SRPK2: variants seen among roughly 807,000 people sequenced by gnomAD.
The protein encoded by SRPK2 is SFRS protein kinase 2.
Under a neutral mutation model 90.8 loss-of-function variants are expected in SRPK2, and 21 were observed. The ratio of observed to expected loss-of-function variants is 0.23; its 90% CI spans 0.16 to 0.33. The LOEUF (loss-of-function observed/expected upper bound fraction) is 0.33. Among genes scored for constraint, SRPK2 ranks in the 10% least tolerant of loss-of-function variants. SRPK2 has a pLI of 1.00. For missense variants in SRPK2, 620 were observed against 869.0 expected, an observed-to-expected ratio of 0.71 and a Z score of 3.60; for synonymous variants, 288 against 311.1, an observed-to-expected ratio of 0.93 and a Z score of 0.78.
At chr7:105,152,048 T>C (rs1805766758) in intron 7 of SRPK2, among the ~76,000 whole-genome samples, 2 of 151,622 alleles carry the variant, frequency 1.3e-5, no homozygotes, top group Non-Finnish European at 2.9e-5. Context: ...AAAAATTATC[T>C]GGGTCTCAGT....
intron 2 of SRPK2, among the ~76,000 whole-genome samples, chr7:105,348,535 C>T (rs1418731885): frequency 6.6e-6 from 1 of 151,444 alleles, no homozygotes; most frequent in Non-Finnish European, 1.5e-5. Context: ...GCGATTCTCC[C>T]GCCTCAGCTT....
At chr7:105,346,540 G>T (rs1336036786) in intron 2 of SRPK2, among the ~76,000 whole-genome samples, 8 of 152,174 alleles carry the variant, frequency 5.3e-5, no homozygotes, top group Non-Finnish European at 1.2e-4. Flanking sequence ...CGGATCACGA[G>T]GTCAGGAGTT....
intron 2 of SRPK2, among the ~76,000 whole-genome samples, chr7:105,265,239 G>C (rs1218377379): frequency 1.3e-5 from 2 of 151,692 alleles, no homozygotes; most frequent in African/African-American, 2.4e-5. Flanking sequence ...AAATATTTGG[G>C]ATATAAAACA....
intron 2 of SRPK2, among the ~76,000 whole-genome samples, chr7:105,344,614 A>G (rs1337506297): frequency 6.6e-6 from 1 of 151,942 alleles, no homozygotes; most frequent in East Asian, 1.9e-4. Flanking sequence ...GCTATCTTAC[A>G]AGCCATACAA....
At chr7:105,183,323 A>G (rs940906561) in intron 3 of SRPK2, among the ~76,000 whole-genome samples, 10 of 152,184 alleles carry the variant, frequency 6.6e-5, no homozygotes, top group Admixed American at 6.5e-5. Context: ...TAAAATCCTA[A>G]TCTACATTCT....
chr7:105,179,793 C>T (rs111508507), intron 3 of SRPK2, among the ~76,000 whole-genome samples: 1 of 131,332 alleles, frequency 7.6e-6, no homozygotes, highest in African/African-American at 2.9e-5. Flanking sequence ...CCATTGCACT[C>T]CAGCCTGGGC....
chr7:105,172,892 T>G (rs1791334570), intron 3 of SRPK2, among the ~76,000 whole-genome samples: 1 of 152,218 alleles, frequency 6.6e-6, no homozygotes, highest in Non-Finnish European at 1.5e-5. Context: ...GTATCACTAG[T>G]ATATGTTTCA....
intron 2 of SRPK2, among the ~76,000 whole-genome samples, chr7:105,327,807 T>G (rs1458523512): frequency 6.6e-6 from 1 of 152,224 alleles, no homozygotes; most frequent in Non-Finnish European, 1.5e-5. Context: ...TTTGTTTTTG[T>G]TTCTGTTTTT....
At chr7:105,348,789 T>A (rs1028235316) in intron 2 of SRPK2, among the ~76,000 whole-genome samples, 13 of 151,414 alleles carry the variant, frequency 8.6e-5, no homozygotes, top group Middle Eastern at 3.4e-3. Context: ...AAAAAAAAAA[T>A]TTATCTAAAG....
At chr7:105,221,938 AT>A (rs1261376929) in intron 2 of SRPK2, among the ~76,000 whole-genome samples, 1 of 152,130 alleles carries the variant, frequency 6.6e-6, no homozygotes, top group Non-Finnish European at 1.5e-5. Flanking sequence ...TTTCCTCTCA[AT>A]TTTTACCCAG....
At chr7:105,352,663 G>T (rs968473669) in intron 2 of SRPK2, among the ~76,000 whole-genome samples, 1 of 152,256 alleles carries the variant, frequency 6.6e-6, no homozygotes, top group Non-Finnish European at 1.5e-5. Context: ...ACTTTGGGAG[G>T]CCAAGGTGGG....
intron 3 of SRPK2, among the ~76,000 whole-genome samples, chr7:105,179,848 A>G (rs1426601517): frequency 3.1e-5 from 4 of 131,038 alleles, no homozygotes; most frequent in African/African-American, 1.1e-4. Context: ...AAAAAAAAAA[A>G]GAATAAAATA....
chr7:105,277,593 G>T (rs1302930000), intron 2 of SRPK2, among the ~76,000 whole-genome samples: 1 of 152,182 alleles, frequency 6.6e-6, no homozygotes, highest in Non-Finnish European at 1.5e-5. Flanking sequence ...ACCAACATCT[G>T]CTAAGGCCAG....
intron 2 of SRPK2, among the ~76,000 whole-genome samples, chr7:105,218,778 G>C (rs1416756471): frequency 5.3e-5 from 8 of 152,028 alleles, no homozygotes; most frequent in Non-Finnish European, 1.0e-4. Context: ...GCCTAAGGGA[G>C]TTATAATTTA....
At chr7:105,285,396 AAAAAAAAAAAAGG>A (rs1807952597) in intron 2 of SRPK2, among the ~76,000 whole-genome samples, 1 of 151,256 alleles carries the variant, frequency 6.6e-6, no homozygotes, top group East Asian at 1.9e-4. Flanking sequence ...AAAAAAAAAA[AAAAAAAAAAAAGG>A]AAAAGGAAAA....
Position 105,330,499 on chromosome 7 carries a change from TAAC to T in SRPK2, c.71+58146_71+58148del, listed in dbSNP as rs1410015742. Among the ~76,000 whole-genome samples the T allele has an allele frequency of 3.3e-5, 5 of 151,994 alleles. No individual in the cohort carries two copies. The East Asian group carries it at 7.7e-4, about 23-fold the overall frequency. On this transcript the variant is annotated intron_variant, in intron 2 of 15. Coordinates refer to ENST00000393651, the MANE Select transcript of SRPK2 (RefSeq NM_182692.3). Reference sequence around the variant, plus strand: ...AAAGGAGAGCAGGAGTAGCAAACATTAACAACAGGGGAAATAAACATTCGCCTT... The same window carrying T: ...AAAGGAGAGCAGGAGTAGCAAACATTAACAGGGGAAATAAACATTCGCCTT...
At chr7:105,149,352 T>C (rs543723225) in intron 7 of SRPK2, among the ~76,000 whole-genome samples, 6 of 152,308 alleles carry the variant, frequency 3.9e-5, no homozygotes, top group South Asian at 2.1e-4. Context: ...GCACGTCCAG[T>C]CATAGTACCT....
Position 105,297,930 on chromosome 7 carries a change from C to T in SRPK2, c.71+90718G>A, listed in dbSNP as rs150765880. Among the ~76,000 whole-genome samples, 431 of 152,138 alleles carry T rather than the reference C, an allele frequency of 2.8e-3. 11 individuals carry two copies. The East Asian group carries it at 0.055, about 19-fold the overall frequency. ...CTAATTTTTGTGTTTTTAGTAGAGA[C>T]GGGTTTTCACCATGTTGGCCAAGCT... is the stretch of plus-strand genomic sequence containing the variant. On this transcript the variant is annotated intron_variant, in intron 2 of 15. Coordinates refer to ENST00000393651, the MANE Select transcript of SRPK2 (RefSeq NM_182692.3).
chr7:105,209,706 AAGG>A (rs1307065782), intron 2 of SRPK2, among the ~76,000 whole-genome samples: 1 of 151,986 alleles, frequency 6.6e-6, no homozygotes, highest in Admixed American at 6.5e-5. Flanking sequence ...AGGAAAGAGA[AAGG>A]AAAACAAAAG....
Sources: gnomAD v4.1 joint callset for allele counts (sites outside exome capture counted in the v4.1 genomes callset) on GRCh38, gnomAD v4.1.1 for gene constraint, MANE v1.5 for transcripts, NCBI Gene and HGNC (gene_info 2026-07-23, HGNC 2026-07-21) for gene names.